The following TTLL7 variants were observed in gnomAD, a reference collection of about 807,000 sequenced individuals.
TTLL7 encodes tubulin polyglutamylase TTLL7.
TTLL7 carries 53 observed loss-of-function variants against 120.2 expected under a neutral mutation model. That is an observed-to-expected ratio of 0.44 (90% CI 0.35 to 0.55). The LOEUF (loss-of-function observed/expected upper bound fraction) is 0.55. TTLL7 is among the 20% of genes least tolerant of loss of function. The pLI is 0.00. For synonymous variants in TTLL7, 353 were observed against 351.7 expected (o/e 1.00, Z -0.04); for missense variants, 803 against 1,054.7 (o/e 0.76, Z 3.31).
chr1:83,980,335 G>C (rs1392584824), intron 1 of TTLL7: 1 of 152,300 alleles, frequency 6.6e-6, no homozygotes, highest in South Asian at 2.1e-4. Flanking sequence ...CACAATCATA[G>C]CTCACTGCCG....
chr1:83,887,566 T>C (rs1035719340), intron 19 of TTLL7, among the ~76,000 whole-genome samples: 2 of 152,048 alleles, frequency 1.3e-5, no homozygotes, highest in African/African-American at 4.8e-5. Flanking sequence ...TTGAAAGAAG[T>C]AGATGAGATT....
In TTLL7 at chr1:83,921,149, G is replaced by C. The variant is rs144531372; in HGVS notation, c.1302C>G (p.Leu434=). 4 of 1,612,612 alleles carry C rather than the reference G, an allele frequency of 2.5e-6. No homozygotes were observed. The highest frequency in any genetic ancestry group is 3.4e-6 in the Non-Finnish European group (4 of 1,179,488). ...ERRKEELKER[L]AQVRKQISRE... is the part of the protein sequence containing the mutation. ...GTGAGATCTGCTTTCGTACTTGAGC[G>C]AGTCTCTCTTTCTGGAAATGAGAAA... Residue 434 remains leucine, a synonymous_variant, in exon 12 of 21, where the codon CTC becomes CTG. Transcript: ENST00000260505.
At chr1:83,881,922 G>C in intron 20 of TTLL7, among the ~76,000 whole-genome samples, 1 of 150,964 alleles carries the variant, frequency 6.6e-6, no homozygotes, top group Non-Finnish European at 1.5e-5. Context: ...AAAAGGATGA[G>C]TTCATGTCCT....
chr1:83,909,656 T>G (rs1657514691), intron 15 of TTLL7, among the ~76,000 whole-genome samples: 1 of 152,140 alleles, frequency 6.6e-6, no homozygotes, highest in African/African-American at 2.4e-5. Context: ...TGAAAATTCA[T>G]ACTTAAAAAC....
In TTLL7 at chr1:83,866,432, TA is replaced by T. The variant is rs564578757; in HGVS notation, c.*3529del. 117 of 152,028 alleles carry T rather than the reference TA, an allele frequency of 7.7e-4. No individual in the cohort carries two copies. The highest frequency in any genetic ancestry group is 2.1e-3 in the African/African-American group (89 of 41,572). The allele number at this position is 152,028 out of a possible 1,614,324, so 9.4% of individuals were successfully genotyped here. On this transcript the variant is annotated 3_prime_UTR_variant, in exon 21 of 21. Transcript: ENST00000260505. ...ATATTTTACAAATTAAAAAGACAGT[TA>T]AAATGAAATCTTTTTATTGATGTCT...
At chr1:83,928,423 G>A (rs1659318721) in intron 10 of TTLL7, among the ~76,000 whole-genome samples, 1 of 152,118 alleles carries the variant, frequency 6.6e-6, no homozygotes, top group Non-Finnish European at 1.5e-5. Flanking sequence ...TTCAGGAAGT[G>A]TTTCAGTCAA....
rs369914992 is a variant in TTLL7, at chr1:83,938,916, T to C, written c.724-900A>G. 2.5e-4 allele frequency among the ~76,000 whole-genome samples: 38 copies of C among 152,294 alleles called. No homozygotes were observed. In the East Asian group the frequency reaches 6.9e-3, roughly 28 times the overall value. ...ATTTTGATTTGTTAATAGCCAACTA[T>C]ATTCATGTCATATTTTATTTTTGCT... On this transcript the variant is annotated intron_variant, in intron 7 of 20. Transcript: ENST00000260505.
In TTLL7 at chr1:83,866,307, A is replaced by T. The variant is rs563358530; in HGVS notation, c.*3655T>A. 6.6e-6 allele frequency: 1 copy of T among 152,014 alleles called. No individual in the cohort carries two copies. The highest frequency in any genetic ancestry group is 2.1e-4 in the South Asian group (1 of 4,830). The allele number at this position is 152,014 out of a possible 1,614,324, so 9.4% of individuals were successfully genotyped here. A position where few individuals can be genotyped will look rare whatever the true frequency, so the allele number is the denominator to read the frequency against. ...GTAATGTATATGCTTAAATCTAAAG[A>T]AATTTTTTAACTATTAGTACTTTGA... On this transcript the variant is annotated 3_prime_UTR_variant, in exon 21 of 21. Transcript: ENST00000260505.
At chr1:83,907,004 T>C (rs1243762161) in intron 16 of TTLL7, among the ~76,000 whole-genome samples, 2 of 152,092 alleles carry the variant, frequency 1.3e-5, no homozygotes, top group African/African-American at 2.4e-5. Flanking sequence ...GAATACTATA[T>C]GTTAATTTAA....
intron 1 of TTLL7, among the ~76,000 whole-genome samples, chr1:83,987,080 G>T (rs1652530049): frequency 6.6e-6 from 1 of 151,948 alleles, no homozygotes; most frequent in Non-Finnish European, 1.5e-5. Context: ...TCTTGACAAT[G>T]AAGAAATGGA....
chr1:83,937,764 C>G (rs1647558895), intron 8 of TTLL7, 88 bp downstream of exon 8: 4 of 1,482,468 alleles, frequency 2.7e-6, no homozygotes, highest in African/African-American at 2.8e-5. Flanking sequence ...CAAGTTCAAT[C>G]AACTCTTAAT....
chr1:83,979,546 C>T (rs1651782955), intron 1 of TTLL7: 1 of 152,200 alleles, frequency 6.6e-6, no homozygotes, highest in Non-Finnish European at 1.5e-5. Context: ...ATGCAGGCCC[C>T]TCTCATAATC....
At chr1:83,877,152 T>A (rs12120160) in intron 20 of TTLL7, among the ~76,000 whole-genome samples, 4 of 151,786 alleles carry the variant, frequency 2.6e-5, no homozygotes, top group Non-Finnish European at 4.4e-5. Context: ...TGAAATTACC[T>A]TTTATGCTAT....
intron 18 of TTLL7, among the ~76,000 whole-genome samples, chr1:83,893,427 A>G (rs1655952108): frequency 6.6e-6 from 1 of 152,072 alleles, no homozygotes; most frequent in Non-Finnish European, 1.5e-5. Context: ...TCTGATCTCC[A>G]TTCATCAAAG....
intron 1 of TTLL7, among the ~76,000 whole-genome samples, chr1:83,964,243 T>C (rs983479912): frequency 1.3e-5 from 2 of 152,120 alleles, no homozygotes; most frequent in Admixed American, 6.6e-5. Context: ...ACCACAATCT[T>C]TGCCATGAAA....
chr1:83,890,058 T>C (rs1408694269), intron 19 of TTLL7: 1 of 159,046 alleles, frequency 6.3e-6, no homozygotes, highest in African/African-American at 3.3e-5. Flanking sequence ...CAGAAGAACT[T>C]CAAGGATATT....
rs1654580340 is a variant in TTLL7, at chr1:83,882,280, C to T, written c.2543+683G>A. Among the ~76,000 whole-genome samples, 3 of 147,652 alleles carry T rather than the reference C, an allele frequency of 2.0e-5. No homozygotes were observed. In the Admixed American group the frequency reaches 2.1e-4, roughly 10 times the overall value. On this transcript the variant is annotated intron_variant, in intron 20 of 20. Transcript: ENST00000260505. ...TAATAATAATAATAATTAAATAAAA[C>T]AATAAAAATATAATTACCTGTAATC... is the stretch of plus-strand genomic sequence containing the variant.
chr1:83,887,571 G>A (rs1264890834), intron 19 of TTLL7, among the ~76,000 whole-genome samples: 2 of 152,092 alleles, frequency 1.3e-5, no homozygotes, highest in African/African-American at 4.8e-5. Flanking sequence ...AGAAGTAGAT[G>A]AGATTGGAGT....
At chr1:83,917,537 T>C (rs1658294306) in intron 14 of TTLL7, 67 bp downstream of exon 14, 8 of 1,149,150 alleles carry the variant, frequency 7.0e-6, no homozygotes, top group Middle Eastern at 2.0e-4. Context: ...GTCTTTCTTA[T>C]AGTGAGAAGT....
Sources: allele counts gnomAD v4.1 joint callset (sites outside exome capture counted in the v4.1 genomes callset), GRCh38; gene constraint gnomAD v4.1.1; transcripts MANE v1.5; gene names NCBI Gene and HGNC (gene_info 2026-07-23, HGNC 2026-07-21).